Variants in RGS5 observed in about 807,000 individuals in gnomAD.
The protein encoded by RGS5 is regulator of G protein signaling 5.
RGS5 carries 20 observed loss-of-function variants against 18.9 expected under a neutral mutation model. The ratio of observed to expected loss-of-function variants is 1.06; its 90% confidence interval spans 0.74 to 1.54. The LOEUF (loss-of-function observed/expected upper bound fraction) is 1.54, where lower values mean the gene tolerates loss of function less well. Among genes scored for constraint, RGS5 ranks in the 40% most tolerant of loss-of-function variants. The probability of loss-of-function intolerance (pLI) is 0.00; values close to 1 mark genes in which losing one functional copy is unlikely to be tolerated. For synonymous variants in RGS5, 57 were observed against 76.2 expected (o/e 0.75, Z 1.31); for missense variants, 201 against 211.8 (o/e 0.95, Z 0.32).
rs1657554410 is a variant in RGS5 at position 163,155,760 on chromosome 1, C to T, written c.218-3044G>A. Among the ~76,000 whole-genome samples the T allele has an allele frequency of 3.3e-5, 5 of 152,290 alleles. 1 individual carries two copies. In the South Asian group the frequency reaches 1.0e-3, roughly 32 times the overall value. ...CCACTCCAGTAGAGCCTCAGCACAC[C>T]TCCCTGACAAATCACCACATTCTTC... On this transcript the variant is annotated intron_variant, in intron 3 of 4. Coordinates refer to ENST00000313961, the MANE Select transcript of RGS5 (RefSeq NM_003617.4).
intron 2 of RGS5, among the ~76,000 whole-genome samples, chr1:163,287,644 C>A (rs1649177981): frequency 6.6e-6 from 1 of 152,174 alleles, no homozygotes; most frequent in South Asian, 2.1e-4. Flanking sequence ...TGCCAAATTT[C>A]TTCTATATGC....
At chr1:163,188,625 G>C (rs574332497) in intron 1 of RGS5, among the ~76,000 whole-genome samples, 63 of 152,276 alleles carry the variant, frequency 4.1e-4, no homozygotes, top group African/African-American at 1.3e-3. Context: ...AGAGACACAG[G>C]AGGTTATTCC....
chr1:163,293,229 C>T (rs1960336), intron 2 of RGS5, among the ~76,000 whole-genome samples: 39,433 of 152,028 alleles, frequency 0.26, 6,132 homozygotes, highest in Non-Finnish European at 0.36. Context: ...CATTTTCACA[C>T]TGCTATAAAG....
chr1:163,176,479 T>C (rs1160747416), intron 1 of RGS5, among the ~76,000 whole-genome samples: 1 of 151,952 alleles, frequency 6.6e-6, no homozygotes, highest in Non-Finnish European at 1.5e-5. Flanking sequence ...AAATTAGCCA[T>C]GAGTGGTGGT....
intron 1 of RGS5, chr1:163,308,685 T>C (rs1210697068): frequency 1.3e-5 from 2 of 152,156 alleles, no homozygotes; most frequent in South Asian, 2.1e-4. Context: ...TTTAAAGGTA[T>C]TGCAATTTAA....
At chr1:163,309,645 T>G (rs970650682) in intron 1 of RGS5, among the ~76,000 whole-genome samples, 1 of 152,194 alleles carries the variant, frequency 6.6e-6, no homozygotes, top group Non-Finnish European at 1.5e-5. Flanking sequence ...CTTCCTCCAC[T>G]AAAGTCATGA....
chr1:163,275,454 C>T (rs945100239), intron 2 of RGS5, among the ~76,000 whole-genome samples: 1 of 152,164 alleles, frequency 6.6e-6, no homozygotes, highest in African/African-American at 2.4e-5. Context: ...CATATGAGAT[C>T]AACACTTTAA....
intron 2 of RGS5, among the ~76,000 whole-genome samples, chr1:163,249,664 G>A (rs1476947002): frequency 3.3e-5 from 5 of 152,142 alleles, no homozygotes; most frequent in Non-Finnish European, 7.4e-5. Context: ...TGTGGCAGGC[G>A]CCTGTAGTCC....
chr1:163,293,767 A>T (rs1337853921), intron 2 of RGS5, among the ~76,000 whole-genome samples: 1 of 152,194 alleles, frequency 6.6e-6, no homozygotes, highest in African/African-American at 2.4e-5. Context: ...CAAATTAGCT[A>T]CTTCCAAGAT....
At chr1:163,293,865 T>G (rs1004890529) in intron 2 of RGS5, among the ~76,000 whole-genome samples, 1 of 152,228 alleles carries the variant, frequency 6.6e-6, no homozygotes, top group African/African-American at 2.4e-5. Context: ...ACTTTGTTTA[T>G]AAGTCTGAAA....
At chr1:163,259,696 T>C (rs980070204) in intron 2 of RGS5, among the ~76,000 whole-genome samples, 47 of 152,204 alleles carry the variant, frequency 3.1e-4, no homozygotes, top group African/African-American at 1.0e-3. Context: ...CACTCACTAG[T>C]ATTACATAAT....
intron 3 of RGS5, among the ~76,000 whole-genome samples, chr1:163,158,340 G>A (rs1657666676): frequency 6.6e-6 from 1 of 152,174 alleles, no homozygotes; most frequent in Non-Finnish European, 1.5e-5. Flanking sequence ...AAGTCATGGG[G>A]AGAAGCAGAG....
intron 1 of RGS5, among the ~76,000 whole-genome samples, chr1:163,208,928 C>T (rs1660033010): frequency 6.6e-6 from 1 of 152,108 alleles, no homozygotes; most frequent in African/African-American, 2.4e-5. Context: ...CACACACACT[C>T]ACACGTACTT....
At chr1:163,157,773 G>C (rs1160459162) in intron 3 of RGS5, among the ~76,000 whole-genome samples, 3 of 152,122 alleles carry the variant, frequency 2.0e-5, no homozygotes, top group African/African-American at 7.2e-5. Context: ...TGTGGCCCAG[G>C]CTAGAGAGCA....
intron 2 of RGS5, among the ~76,000 whole-genome samples, chr1:163,240,052 T>G (rs34567658): frequency 5.6e-4 from 41 of 73,352 alleles, no homozygotes; most frequent in South Asian, 2.2e-3. Context: ...TTTAGCAGGG[T>G]TTTTTTTTTT....
chr1:163,313,269 T>C (rs1649924297), intron 1 of RGS5, among the ~76,000 whole-genome samples: 1 of 152,238 alleles, frequency 6.6e-6, no homozygotes, highest in Non-Finnish European at 1.5e-5. Context: ...GTAGAATATG[T>C]GGTTAAATGT....
intron 1 of RGS5, among the ~76,000 whole-genome samples, chr1:163,198,438 T>A (rs1375658238): frequency 1.3e-5 from 2 of 152,110 alleles, no homozygotes; most frequent in Admixed American, 6.5e-5. Flanking sequence ...ATTATGATGA[T>A]ATTTAGATTT....
intron 1 of RGS5, among the ~76,000 whole-genome samples, chr1:163,310,574 CAAAAA>C (rs36115669): frequency 3.1e-5 from 2 of 63,610 alleles, no homozygotes; most frequent in African/African-American, 1.3e-4. Context: ...GACTCCGTCT[CAAAAA>C]AAAAAAAAAA....
At chr1:163,151,134 A>T (rs1211699176) in intron 4 of RGS5, among the ~76,000 whole-genome samples, 1 of 152,232 alleles carries the variant, frequency 6.6e-6, no homozygotes, top group Non-Finnish European at 1.5e-5. Flanking sequence ...TAAATAACAA[A>T]GAAAAAAGCA....
Sources: allele counts gnomAD v4.1 joint callset (sites outside exome capture counted in the v4.1 genomes callset), GRCh38; gene constraint gnomAD v4.1.1; transcripts MANE v1.5; gene names NCBI Gene and HGNC (gene_info 2026-07-23, HGNC 2026-07-21).